ZBBX: variants seen among roughly 807,000 people sequenced by gnomAD.
ZBBX encodes zinc finger B-box domain containing.
A neutral mutation model predicts 108.5 loss-of-function variants in ZBBX; 101 were observed. That is an observed-to-expected ratio of 0.93 (90% CI 0.79 to 1.10). The LOEUF (loss-of-function observed/expected upper bound fraction) is 1.10, where lower values mean the gene tolerates loss of function less well. Among genes scored for constraint, ZBBX ranks in the 50% least tolerant of loss-of-function variants. ZBBX has a pLI of 0.00. For missense variants in ZBBX, 1,009 were observed against 941.4 expected, an observed-to-expected ratio of 1.07 and a Z score of -0.94; for synonymous variants, 356 against 323.4, an observed-to-expected ratio of 1.10 and a Z score of -1.08.
rs1198070462 is a variant in ZBBX at position 167,396,913 on chromosome 3, T to C, written c.-446+10813A>G. On this transcript the variant is annotated intron_variant, in intron 1 of 21. Coordinates refer to the ZBBX transcript ENST00000455345. ...CTGCTATGTTTTTCCTTTTCACAGGTCTTATGTTAAATAAAATATTGCCAC... is the reference window on the plus strand; with the variant it reads ...CTGCTATGTTTTTCCTTTTCACAGGCCTTATGTTAAATAAAATATTGCCAC... Among the ~76,000 whole-genome samples the C allele has an allele frequency of 5.3e-5, 8 of 151,628 alleles. 1 individual carries two copies. The highest frequency in any genetic ancestry group is 1.9e-4 in the African/African-American group (8 of 41,332).
rs550044459 is a variant in ZBBX, at chr3:167,281,441, A to G, written c.2254+797T>C. 2.6e-5 allele frequency among the ~76,000 whole-genome samples: 4 copies of G among 152,312 alleles called. No homozygotes were observed. The South Asian group carries it at 8.3e-4, about 32-fold the overall frequency. On this transcript the variant is annotated intron_variant, in intron 20 of 21. Transcript: ENST00000675490. The stretch of plus-strand genomic sequence containing the variant: ...AAAGTCGTTACTCCAAGATCAATAA[A>G]GGAAGAGACCACTAACAGGAAAAAC...
the ZBBX span, among the ~76,000 whole-genome samples, chr3:167,221,903 G>T: frequency 6.6e-6 from 1 of 151,876 alleles, no homozygotes; most frequent in Admixed American, 6.6e-5. Context: ...TTATCCAAAA[G>T]ACAGGCAATA....
chr3:167,204,122 T>A, the ZBBX span, among the ~76,000 whole-genome samples: 1 of 152,010 alleles, frequency 6.6e-6, no homozygotes, highest in African/African-American at 2.4e-5. Flanking sequence ...CTTCCAATCA[T>A]CCACAGAAGT....
At chr3:167,355,502 C>T (rs1743408793) in intron 8 of ZBBX, among the ~76,000 whole-genome samples, 1 of 151,820 alleles carries the variant, frequency 6.6e-6, no homozygotes, top group Non-Finnish European at 1.5e-5. Context: ...ATCTCCCATA[C>T]ACAATTTTCC....
At chr3:167,387,207 C>G (rs1747946763) in intron 1 of ZBBX, among the ~76,000 whole-genome samples, 1 of 151,946 alleles carries the variant, frequency 6.6e-6, no homozygotes, top group Non-Finnish European at 1.5e-5. Context: ...TATTGAGGAC[C>G]TACTATGCTT....
chr3:167,221,132 C>T, the ZBBX span, among the ~76,000 whole-genome samples: 2 of 151,812 alleles, frequency 1.3e-5, no homozygotes, highest in Non-Finnish European at 2.9e-5. Flanking sequence ...TATGTTCATA[C>T]TATGTAAAGC....
rs71176635 is a variant in ZBBX, at chr3:167,301,954, T to TAAA, written c.1726-3499_1726-3497dup. Among the ~76,000 whole-genome samples, 663 of 92,104 alleles carry TAAA rather than the reference T, an allele frequency of 7.2e-3. 6 individuals carry two copies. The highest frequency in any genetic ancestry group is 0.024 in the African/African-American group (611 of 25,424). The allele number at this position is 92,104 out of a possible 152,430, so 60.4% of individuals were successfully genotyped here. A position where few individuals can be genotyped will look rare whatever the true frequency, so the allele number is the denominator to read the frequency against. On this transcript the variant is annotated intron_variant, in intron 17 of 21. Coordinates refer to ENST00000675490, the MANE Select transcript of ZBBX (RefSeq NM_001199201.2). ...CCTGGGCAACAGAGCAAGACTCCGTTAAAAAAAAAAAAAAAAAAAAAAAAA... is the reference window on the plus strand; with the variant it reads ...CCTGGGCAACAGAGCAAGACTCCGTTAAAAAAAAAAAAAAAAAAAAAAAAAAAA...
Position 167,368,585 on chromosome 3 carries a change from A to G in ZBBX, c.69-11T>C. 1 of 1,575,268 alleles carries G rather than the reference A, an allele frequency of 6.3e-7. No homozygotes were observed. On this transcript the variant is annotated splice_polypyrimidine_tract_variant and intron_variant, in intron 4 of 21. Coordinates refer to ENST00000675490, the MANE Select transcript of ZBBX (RefSeq NM_001199201.2). ...AGTTCTTGAGCATTTCTGAAGACAT[A>G]AGATTTAAATGGAGAAAGCAGAAAA...
the ZBBX span, among the ~76,000 whole-genome samples, chr3:167,187,604 T>C: frequency 6.6e-6 from 1 of 152,190 alleles, no homozygotes; most frequent in Non-Finnish European, 1.5e-5. Flanking sequence ...TATAGCTTAG[T>C]AAAATGAAAG....
intron 20 of ZBBX, among the ~76,000 whole-genome samples, chr3:167,268,358 G>A (rs920497273): frequency 6.6e-6 from 1 of 151,896 alleles, no homozygotes; most frequent in African/African-American, 2.4e-5. Flanking sequence ...CAGTAGGGCT[G>A]CTATGGTAAT....
chr3:167,398,243 A>G (rs1748312005), intron 1 of ZBBX, among the ~76,000 whole-genome samples: 1 of 152,068 alleles, frequency 6.6e-6, no homozygotes, highest in Admixed American at 6.6e-5. Flanking sequence ...CGTCTTACCC[A>G]TTTTTAAGAA....
chr3:167,338,767 TA>T (rs1740013584), intron 9 of ZBBX, among the ~76,000 whole-genome samples: 1 of 152,058 alleles, frequency 6.6e-6, no homozygotes, highest in Admixed American at 6.6e-5. Flanking sequence ...CAAAGTGATA[TA>T]GAGGTAGAGA....
At chr3:167,216,719 C>A in the ZBBX span, among the ~76,000 whole-genome samples, 4 of 152,046 alleles carry the variant, frequency 2.6e-5, no homozygotes, top group African/African-American at 7.2e-5. Flanking sequence ...TGACTTCAAA[C>A]TATACTACAA....
chr3:167,189,365 T>C, the ZBBX span, among the ~76,000 whole-genome samples: 1 of 152,128 alleles, frequency 6.6e-6, no homozygotes, highest in Non-Finnish European at 1.5e-5. Flanking sequence ...AATATGAAAA[T>C]ATGTGCCTTC....
intron 1 of ZBBX, among the ~76,000 whole-genome samples, chr3:167,396,952 G>A (rs1748252243): frequency 6.6e-6 from 1 of 151,370 alleles, no homozygotes; most frequent in South Asian, 2.1e-4. Flanking sequence ...GTCATATCTG[G>A]TTATTGTTAT....
intron 16 of ZBBX, among the ~76,000 whole-genome samples, chr3:167,308,100 C>T (rs1379338194): frequency 6.6e-6 from 1 of 152,082 alleles, no homozygotes; most frequent in African/African-American, 2.4e-5. Context: ...CTATAAGGAA[C>T]TTAAAGAAAT....
the ZBBX span, among the ~76,000 whole-genome samples, chr3:167,190,535 C>A: frequency 6.6e-6 from 1 of 152,190 alleles, no homozygotes; most frequent in African/African-American, 2.4e-5. Flanking sequence ...TCCCTGCCAC[C>A]ACGCCCGGCT....
At chr3:167,345,965 A>C (rs548331496) in intron 9 of ZBBX, among the ~76,000 whole-genome samples, 32 of 152,028 alleles carry the variant, frequency 2.1e-4, no homozygotes, top group African/African-American at 7.2e-4. Flanking sequence ...ATAATCTATT[A>C]ATAATTTACT....
At chr3:167,406,531 C>T (rs1748593059) in intron 1 of ZBBX, among the ~76,000 whole-genome samples, 1 of 152,022 alleles carries the variant, frequency 6.6e-6, no homozygotes, top group Admixed American at 6.6e-5. Flanking sequence ...CCAGCCTTGG[C>T]AACATGGCAA....
Sources: gnomAD v4.1 joint callset for allele counts (sites outside exome capture counted in the v4.1 genomes callset) on GRCh38, gnomAD v4.1.1 for gene constraint, MANE v1.5 for transcripts, NCBI Gene and HGNC (gene_info 2026-07-23, HGNC 2026-07-21) for gene names.